OR51B5: variants seen among roughly 807,000 people sequenced by gnomAD.
The protein encoded by OR51B5 is olfactory receptor family 51 subfamily B member 5.
For missense variants in OR51B5, 456 were observed against 374.6 expected (o/e 1.22, Z -1.79); for synonymous variants, 186 against 144.8 (o/e 1.28, Z -2.04).
chr11:5,342,644 G>A (rs1437375901), exon 1 of OR51B5: 12 of 1,611,652 alleles, frequency 7.4e-6, no homozygotes, highest in Non-Finnish European at 1.0e-5. Context: ...AATCTGCTTG[G>A]TCTTGACACT....
chr11:5,438,445 C>T (rs376548119), intron 1 of OR51B5, among the ~76,000 whole-genome samples: 26 of 152,012 alleles, frequency 1.7e-4, no homozygotes, highest in African/African-American at 6.3e-4. Context: ...AAACTCAGAT[C>T]TGGATCTAAA....
rs757932622 is a variant in OR51B5, at chr11:5,454,387, G to A, written n.84+51182C>T. The stretch of plus-strand genomic sequence containing the variant: ...TATAGCGCCAAGACAAAGGAAATCC[G>A]CCGAGCCATTTTCCGCATGTTTCAC... On this transcript the variant is annotated intron_variant and non_coding_transcript_variant, in intron 1 of 4. Transcript: ENST00000415970. 124 of 1,610,442 alleles carry A rather than the reference G, an allele frequency of 7.7e-5. No individual in the cohort carries two copies. The highest frequency in any genetic ancestry group is 9.4e-5 in the Non-Finnish European group (111 of 1,179,802).
chr11:5,421,226 A>G (rs1420863238), intron 1 of OR51B5, among the ~76,000 whole-genome samples: 2 of 152,192 alleles, frequency 1.3e-5, no homozygotes, highest in Non-Finnish European at 2.9e-5. Context: ...GTAATCCTGA[A>G]GCGACCTGCC....
intron 1 of OR51B5, among the ~76,000 whole-genome samples, chr11:5,435,914 C>G (rs1201466439): frequency 6.6e-6 from 1 of 152,176 alleles, no homozygotes; most frequent in Non-Finnish European, 1.5e-5. Context: ...TCCTTCCTGT[C>G]AGATTTTGAG....
chr11:5,461,165 G>A (rs528785910), intron 1 of OR51B5, among the ~76,000 whole-genome samples: 9 of 152,324 alleles, frequency 5.9e-5, no homozygotes, highest in Admixed American at 5.2e-4. Flanking sequence ...CCTGGTGAGT[G>A]CATGCCAATG....
At chr11:5,473,837 T>C (rs934555176) in intron 1 of OR51B5, among the ~76,000 whole-genome samples, 5 of 145,830 alleles carry the variant, frequency 3.4e-5, no homozygotes, top group Admixed American at 1.4e-4. Flanking sequence ...AATTTAATTG[T>C]TTTAAATTAC....
At chr11:5,415,757 C>T (rs948057057) in intron 1 of OR51B5, among the ~76,000 whole-genome samples, 8 of 152,078 alleles carry the variant, frequency 5.3e-5, no homozygotes, top group African/African-American at 1.9e-4. Context: ...ACACCAATAA[C>T]AGGAGCTGAA....
intron 1 of OR51B5, among the ~76,000 whole-genome samples, chr11:5,358,255 T>A (rs1290686950): frequency 2.0e-5 from 3 of 151,370 alleles, no homozygotes; most frequent in African/African-American, 7.3e-5. Flanking sequence ...GCAAGACTAA[T>A]AAAGAAGAAA....
At chr11:5,388,597 A>C (rs548446620) in intron 1 of OR51B5, among the ~76,000 whole-genome samples, 162 of 149,594 alleles carry the variant, frequency 1.1e-3, no homozygotes, top group African/African-American at 3.8e-3. Flanking sequence ...AACACCGTGA[A>C]TATACAGAGG....
At chr11:5,359,801 G>A (rs988109519) in intron 1 of OR51B5, among the ~76,000 whole-genome samples, 3 of 151,672 alleles carry the variant, frequency 2.0e-5, no homozygotes. Flanking sequence ...CAGAGATATA[G>A]ACCAATGGAA....
chr11:5,503,683 GATAAA>G (rs1456493590), intron 1 of OR51B5, among the ~76,000 whole-genome samples: 4 of 152,052 alleles, frequency 2.6e-5, no homozygotes, highest in African/African-American at 9.7e-5. Flanking sequence ...TGTAGTATTA[GATAAA>G]ATAAAAAGCA....
At chr11:5,422,590 T>G (rs1212108833) in intron 1 of OR51B5, 13 of 1,614,022 alleles carry the variant, frequency 8.1e-6, no homozygotes, top group Non-Finnish European at 1.0e-5. Flanking sequence ...CCATCTGCTG[T>G]CCCCTCCATT....
intron 1 of OR51B5, among the ~76,000 whole-genome samples, chr11:5,372,979 G>C (rs1340586744): frequency 6.6e-6 from 1 of 152,186 alleles, no homozygotes; most frequent in East Asian, 1.9e-4. Context: ...TAGACACATA[G>C]ACCAAATTGA....
At chr11:5,497,296 C>T (rs1851664559) in intron 1 of OR51B5, among the ~76,000 whole-genome samples, 1 of 152,166 alleles carries the variant, frequency 6.6e-6, no homozygotes, top group Non-Finnish European at 1.5e-5. Flanking sequence ...CCTGTAATCC[C>T]AGCTACTCCA....
At chr11:5,360,629 T>A (rs1474143942) in intron 1 of OR51B5, among the ~76,000 whole-genome samples, 1 of 152,120 alleles carries the variant, frequency 6.6e-6, no homozygotes, top group Non-Finnish European at 1.5e-5. Context: ...GACCCAGCCA[T>A]CCCATTACTG....
intron 1 of OR51B5, chr11:5,384,049 T>C (rs1564795091): frequency 1.3e-5 from 2 of 152,202 alleles, no homozygotes; most frequent in South Asian, 2.1e-4. Flanking sequence ...CAAAAAGACA[T>C]GGTCTCAGTT....
chr11:5,504,552 A>C (rs1014351724), intron 1 of OR51B5, among the ~76,000 whole-genome samples: 10 of 152,184 alleles, frequency 6.6e-5, no homozygotes, highest in Non-Finnish European at 1.5e-4. Context: ...AAGTCCTAGG[A>C]GGCCTGCTCT....
In OR51B5 at chr11:5,351,624, C is replaced by T. The variant is rs763239848; in HGVS notation, n.85-4714G>A. 3.1e-6 allele frequency: 5 copies of T among 1,613,974 alleles called. No individual in the cohort carries two copies. The Admixed American group carries it at 8.3e-5, about 27-fold the overall frequency. On this transcript the variant is annotated intron_variant and non_coding_transcript_variant, in intron 1 of 4. Transcript: ENST00000415970. Reference sequence around the variant, plus strand: ...CAGCCTACATCTCCATACTTCTTGGCAATGGCACTCTTCTCTTTCTCATCA... The same window carrying T: ...CAGCCTACATCTCCATACTTCTTGGTAATGGCACTCTTCTCTTTCTCATCA...
intron 1 of OR51B5, among the ~76,000 whole-genome samples, chr11:5,445,438 T>C (rs1458297339): frequency 4.6e-5 from 7 of 152,226 alleles, no homozygotes; most frequent in Non-Finnish European, 1.0e-4. Context: ...CTCCTTTTAC[T>C]CCATTACTAT....
Sources: gnomAD v4.1 joint callset for allele counts (sites outside exome capture counted in the v4.1 genomes callset) on GRCh38, gnomAD v4.1.1 for gene constraint, MANE v1.5 for transcripts, NCBI Gene and HGNC (gene_info 2026-07-23, HGNC 2026-07-21) for gene names.